The following SCHIP1 variants were observed in gnomAD, a reference collection of about 807,000 sequenced individuals.
SCHIP1 encodes the protein schwannomin interacting protein 1.
SCHIP1 carries 8 observed loss-of-function variants against 29.7 expected under a neutral mutation model. The observed-to-expected ratio is 0.27, with a 90% CI of 0.16 to 0.49. The LOEUF is 0.49. Among genes scored for constraint, SCHIP1 ranks in the 20% least tolerant of loss-of-function variants. SCHIP1 has a pLI of 0.99. For missense variants in SCHIP1, 193 were observed against 294.6 expected (o/e 0.66, Z 2.52); for synonymous variants, 76 against 94.9 (o/e 0.80, Z 1.16).
chr3:159,593,342 T>C, the SCHIP1 span, among the ~76,000 whole-genome samples: 1 of 152,066 alleles, frequency 6.6e-6, no homozygotes, highest in Non-Finnish European at 1.5e-5. Flanking sequence ...GCCCTCTTTA[T>C]GGGTACCTCA....
the SCHIP1 span, among the ~76,000 whole-genome samples, chr3:159,423,741 G>C: frequency 2.0e-5 from 3 of 152,108 alleles, no homozygotes; most frequent in South Asian, 2.1e-4. Context: ...ATCTGAGAAC[G>C]GGCAGACTGC....
At chr3:159,505,564 C>T in the SCHIP1 span, among the ~76,000 whole-genome samples, 1 of 152,110 alleles carries the variant, frequency 6.6e-6, no homozygotes, top group Non-Finnish European at 1.5e-5. Flanking sequence ...TGTTGGTGTG[C>T]TGCACCCATT....
the SCHIP1 span, among the ~76,000 whole-genome samples, chr3:159,610,612 G>A: frequency 6.6e-6 from 1 of 152,140 alleles, no homozygotes; most frequent in Non-Finnish European, 1.5e-5. Context: ...CCTACCCTTT[G>A]GAGTTTGAAA....
the SCHIP1 span, among the ~76,000 whole-genome samples, chr3:159,349,928 G>T: frequency 6.6e-6 from 1 of 152,272 alleles, no homozygotes; most frequent in East Asian, 1.9e-4. Flanking sequence ...AAACATTTTA[G>T]CCACCTTACC....
chr3:159,552,994 T>G, the SCHIP1 span, among the ~76,000 whole-genome samples: 1 of 152,168 alleles, frequency 6.6e-6, no homozygotes, highest in Non-Finnish European at 1.5e-5. Flanking sequence ...TGGCTATAGA[T>G]ATTAGTTACT....
the SCHIP1 span, among the ~76,000 whole-genome samples, chr3:159,665,477 C>A: frequency 6.6e-6 from 1 of 152,134 alleles, no homozygotes; most frequent in African/African-American, 2.4e-5. Flanking sequence ...CCCCTGTTCC[C>A]ATTTCACACG....
chr3:159,662,152 C>G, the SCHIP1 span, among the ~76,000 whole-genome samples: 1 of 152,122 alleles, frequency 6.6e-6, no homozygotes, highest in Non-Finnish European at 1.5e-5. Flanking sequence ...GCCACTCTGG[C>G]TCATACCCCC....
At chr3:159,476,207 T>C in the SCHIP1 span, among the ~76,000 whole-genome samples, 1 of 152,186 alleles carries the variant, frequency 6.6e-6, no homozygotes, top group African/African-American at 2.4e-5. Context: ...CAAGGGAGAA[T>C]ACAAAATGTT....
chr3:159,655,502 A>G, the SCHIP1 span, among the ~76,000 whole-genome samples: 1 of 152,166 alleles, frequency 6.6e-6, no homozygotes, highest in Admixed American at 6.5e-5. Context: ...GTAGGACAAC[A>G]CTTAAGTCCC....
chr3:159,615,210 G>A, the SCHIP1 span, among the ~76,000 whole-genome samples: 1 of 152,202 alleles, frequency 6.6e-6, no homozygotes, highest in East Asian at 1.9e-4. Context: ...GGTTCTACAA[G>A]GCATTCAGAT....
At chr3:159,783,280 CGAG>C in the SCHIP1 span, among the ~76,000 whole-genome samples, 1 of 152,134 alleles carries the variant, frequency 6.6e-6, no homozygotes, top group Non-Finnish European at 1.5e-5. Context: ...GGCCAGCTGC[CGAG>C]GCAGAGACAG....
the SCHIP1 span, among the ~76,000 whole-genome samples, chr3:159,584,574 A>C: frequency 2.6e-5 from 4 of 152,158 alleles, no homozygotes; most frequent in Non-Finnish European, 1.5e-5. Context: ...TTACTAGAGG[A>C]TTCCTAAACT....
chr3:159,769,548 G>A, the SCHIP1 span, among the ~76,000 whole-genome samples: 4 of 152,028 alleles, frequency 2.6e-5, no homozygotes. Context: ...TCAGGAGTTC[G>A]AGACCAGCCT....
the SCHIP1 span, among the ~76,000 whole-genome samples, chr3:159,740,309 A>G: frequency 3.3e-5 from 5 of 152,202 alleles, no homozygotes; most frequent in African/African-American, 1.2e-4. Context: ...GAATGGTTCC[A>G]CTGAGTGGTA....
the SCHIP1 span, among the ~76,000 whole-genome samples, chr3:159,457,295 G>A: frequency 3.3e-5 from 5 of 152,012 alleles, no homozygotes; most frequent in African/African-American, 4.8e-5. Flanking sequence ...AATGATGCAT[G>A]TTAAATGTAT....
the SCHIP1 span, among the ~76,000 whole-genome samples, chr3:159,460,266 G>A: frequency 1.3e-5 from 2 of 152,196 alleles, no homozygotes; most frequent in African/African-American, 4.8e-5. Flanking sequence ...TGGACTGGCT[G>A]AAGCTATCCA....
the SCHIP1 span, among the ~76,000 whole-genome samples, chr3:159,383,592 C>A: frequency 6.9e-6 from 1 of 145,498 alleles, no homozygotes; most frequent in Non-Finnish European, 1.5e-5. Flanking sequence ...GCAATGCGGG[C>A]TCTTTTTTGG....
chr3:159,478,423 T>C, the SCHIP1 span, among the ~76,000 whole-genome samples: 12 of 152,184 alleles, frequency 7.9e-5, no homozygotes, highest in Admixed American at 3.3e-4. Context: ...GCCTTCTATC[T>C]TGTTCCTTTG....
the SCHIP1 span, among the ~76,000 whole-genome samples, chr3:159,792,410 T>TA: frequency 1.3e-5 from 2 of 152,220 alleles, no homozygotes; most frequent in African/African-American, 4.8e-5. Flanking sequence ...GCAAGGCTGT[T>TA]AAAGAATTGT....
Sources: gnomAD v4.1 joint callset for allele counts (sites outside exome capture counted in the v4.1 genomes callset) on GRCh38, gnomAD v4.1.1 for gene constraint, MANE v1.5 for transcripts, NCBI Gene and HGNC (gene_info 2026-07-23, HGNC 2026-07-21) for gene names.